The following AUTS2 variants were observed in gnomAD, a reference collection of about 807,000 sequenced individuals.
The protein encoded by AUTS2 is activator of transcription and developmental regulator AUTS2, also known as autism susceptibility gene 2 protein.
Under a neutral mutation model 112.4 loss-of-function variants are expected in AUTS2, and 17 were observed. That is an observed-to-expected ratio of 0.15 (90% CI 0.10 to 0.23). AUTS2 has a LOEUF of 0.23. Ranked by LOEUF, AUTS2 falls within the 10% of genes least tolerant of loss-of-function variation. AUTS2 has a pLI of 1.00. For missense variants in AUTS2, 1,510 were observed against 1,701.6 expected (o/e 0.89, Z 1.98); for synonymous variants, 751 against 702.7 (o/e 1.07, Z -1.09).
intron 2 of AUTS2, among the ~76,000 whole-genome samples, chr7:70,115,287 C>G (rs1278641721): frequency 6.6e-6 from 1 of 152,222 alleles, no homozygotes; most frequent in African/African-American, 2.4e-5. Context: ...TCTTTATAGT[C>G]TTAGTTCCCA....
At position 69,804,697 on chromosome 7, in the gene AUTS2, C is replaced by T. The variant is rs34837061; in HGVS notation, c.310-94589C>T. Among the ~76,000 whole-genome samples the T allele has an allele frequency of 6.3e-3, 952 of 152,252 alleles. 8 individuals carry two copies. The highest frequency in any genetic ancestry group is 0.011 in the Non-Finnish European group (738 of 68,020). ...GATGGTGACAGACCTGAGTTGTTGT[C>T]GAGAATCGTGCTGAGTTTTGTTATC... On this transcript the variant is annotated intron_variant, in intron 1 of 18. Coordinates refer to ENST00000342771, the MANE Select transcript of AUTS2 (RefSeq NM_015570.4).
chr7:70,330,695 G>T (rs1025273277), intron 4 of AUTS2, among the ~76,000 whole-genome samples: 3 of 152,166 alleles, frequency 2.0e-5, no homozygotes, highest in Admixed American at 2.0e-4. Context: ...GATTGCATTG[G>T]ATCTGTACAT....
intron 2 of AUTS2, among the ~76,000 whole-genome samples, chr7:70,100,338 A>T (rs1453852892): frequency 6.6e-6 from 1 of 152,096 alleles, no homozygotes; most frequent in East Asian, 1.9e-4. Flanking sequence ...CAACTTTAAG[A>T]GTGGAACTTA....
chr7:70,228,597 G>T (rs1370176870), intron 4 of AUTS2, among the ~76,000 whole-genome samples: 1 of 151,588 alleles, frequency 6.6e-6, no homozygotes, highest in Non-Finnish European at 1.5e-5. Flanking sequence ...ATGGGTTAGG[G>T]TTTATACATG....
chr7:70,727,642 C>T (rs537260274), intron 6 of AUTS2, among the ~76,000 whole-genome samples: 120 of 152,316 alleles, frequency 7.9e-4, no homozygotes, highest in Middle Eastern at 3.4e-3. Context: ...ACCACTGTGC[C>T]AGGCCAGGCT....
At chr7:69,623,309 A>G (rs909161585) in intron 1 of AUTS2, among the ~76,000 whole-genome samples, 14 of 151,550 alleles carry the variant, frequency 9.2e-5, no homozygotes, top group African/African-American at 3.2e-4. Flanking sequence ...TGCAGTCTCA[A>G]ACTCCTGGGC....
chr7:70,222,498 A>G (rs559784907), intron 4 of AUTS2, among the ~76,000 whole-genome samples: 1 of 152,330 alleles, frequency 6.6e-6, no homozygotes, highest in East Asian at 1.9e-4. Flanking sequence ...ATTATGAAAC[A>G]ATATCTTTTT....
intron 5 of AUTS2, among the ~76,000 whole-genome samples, chr7:70,532,678 A>G (rs1337455197): frequency 6.6e-6 from 1 of 152,150 alleles, no homozygotes; most frequent in Admixed American, 6.5e-5. Flanking sequence ...GACCAACCCC[A>G]TCACCTTGCC....
intron 2 of AUTS2, among the ~76,000 whole-genome samples, chr7:70,108,234 G>A (rs537837003): frequency 6.6e-6 from 1 of 152,112 alleles, no homozygotes; most frequent in African/African-American, 2.4e-5. Context: ...GTTGGATAGA[G>A]ATTTGCTGTC....
chr7:70,301,418 G>T (rs1210270472), intron 4 of AUTS2, among the ~76,000 whole-genome samples: 1 of 152,052 alleles, frequency 6.6e-6, no homozygotes, highest in African/African-American at 2.4e-5. Flanking sequence ...AGTATGTGTG[G>T]ATCTTTTTTA....
At chr7:70,430,884 G>A (rs1014882458) in intron 4 of AUTS2, among the ~76,000 whole-genome samples, 49 of 135,980 alleles carry the variant, frequency 3.6e-4, no homozygotes, top group African/African-American at 1.3e-3. Flanking sequence ...CGCCCAGGCT[G>A]GAGTGCAGTG....
intron 1 of AUTS2, among the ~76,000 whole-genome samples, chr7:69,876,344 AAAAAAATATATATATATAT>A (rs1793753213): frequency 2.5e-5 from 2 of 79,908 alleles, no homozygotes; most frequent in South Asian, 4.3e-4. Flanking sequence ...AAAAAAAAAA[AAAAAAATATATATATATAT>A]ATATATATAT....
rs538428296 is a variant in AUTS2, at chr7:69,636,721, C to T, written c.309+36759C>T. ...CTGTTTTGTAGTATGCTTTTTTTTC[C>T]TACTTAATAAGATGGAAGTGCCTTG... On this transcript the variant is annotated intron_variant, in intron 1 of 18. Coordinates refer to ENST00000342771, the MANE Select transcript of AUTS2 (RefSeq NM_015570.4). Among the ~76,000 whole-genome samples, 8 of 151,728 alleles carry T rather than the reference C, an allele frequency of 5.3e-5. No homozygotes were observed. In the South Asian group the frequency reaches 1.7e-3, roughly 32 times the overall value.
At chr7:70,490,052 T>G (rs1798172904) in intron 5 of AUTS2, among the ~76,000 whole-genome samples, 1 of 152,120 alleles carries the variant, frequency 6.6e-6, no homozygotes, top group Non-Finnish European at 1.5e-5. Flanking sequence ...ATTACATTAA[T>G]AGAGGAATGC....
intron 6 of AUTS2, among the ~76,000 whole-genome samples, chr7:70,760,575 T>C (rs1183696742): frequency 2.0e-5 from 3 of 152,340 alleles, no homozygotes; most frequent in East Asian, 1.9e-4. Context: ...AAGAAAAATA[T>C]GGGAAATTTT....
At chr7:70,113,606 T>C (rs1279077531) in intron 2 of AUTS2, among the ~76,000 whole-genome samples, 3 of 152,224 alleles carry the variant, frequency 2.0e-5, no homozygotes, top group African/African-American at 7.2e-5. Flanking sequence ...GGATATGTGC[T>C]ACTTTGAGGA....
intron 1 of AUTS2, among the ~76,000 whole-genome samples, chr7:69,808,222 C>T (rs893125667): frequency 6.6e-5 from 10 of 152,148 alleles, no homozygotes; most frequent in African/African-American, 4.8e-5. Context: ...CACCGCACTC[C>T]GGCCAAGGCC....
chr7:70,261,933 T>C (rs535798594), intron 4 of AUTS2, among the ~76,000 whole-genome samples: 1 of 152,338 alleles, frequency 6.6e-6, no homozygotes, highest in South Asian at 2.1e-4. Flanking sequence ...ATCACCATTT[T>C]TGTTTTCAAC....
chr7:70,270,045 A>G (rs1183829804), intron 4 of AUTS2, among the ~76,000 whole-genome samples: 3 of 152,166 alleles, frequency 2.0e-5, no homozygotes, highest in Admixed American at 6.5e-5. Flanking sequence ...TCTCAAAAAA[A>G]ACAAACAAAA....
Sources: gnomAD v4.1 joint callset for allele counts (sites outside exome capture counted in the v4.1 genomes callset) on GRCh38, gnomAD v4.1.1 for gene constraint, MANE v1.5 for transcripts, NCBI Gene and HGNC (gene_info 2026-07-23, HGNC 2026-07-21) for gene names.